The following NUAK1 variants were observed in gnomAD, a reference collection of about 807,000 sequenced individuals.
The protein encoded by NUAK1 is NUAK family kinase 1, also known as NUAK family SNF1-like kinase 1.
NUAK1 carries 26 observed loss-of-function variants against 56.9 expected under a neutral mutation model. The ratio of observed to expected loss-of-function variants is 0.46; its 90% CI spans 0.33 to 0.63. The LOEUF is 0.63. NUAK1 is among the 30% of genes least tolerant of loss of function. NUAK1 has a pLI of 0.02. For missense variants in NUAK1, 727 were observed against 876.1 expected (o/e 0.83, Z 2.15); for synonymous variants, 337 against 336.0 (o/e 1.00, Z -0.03).
chr12:106,098,903 G>A (rs962680310), intron 2 of NUAK1, among the ~76,000 whole-genome samples: 17 of 152,074 alleles, frequency 1.1e-4, no homozygotes, highest in Admixed American at 1.0e-3. Flanking sequence ...GCTCCAGTGG[G>A]CACTTCCTTT....
At chr12:106,113,079 G>A (rs2032880780) in intron 1 of NUAK1, among the ~76,000 whole-genome samples, 2 of 152,294 alleles carry the variant, frequency 1.3e-5, no homozygotes, top group South Asian at 4.1e-4. Context: ...TCAGGGCTGG[G>A]ACATTTTTAT....
chr12:106,096,399 C>T (rs1477632284), intron 2 of NUAK1, among the ~76,000 whole-genome samples: 6 of 152,102 alleles, frequency 3.9e-5, no homozygotes, highest in Admixed American at 6.6e-5. Context: ...TCATTAGAAA[C>T]GTGGCTGGAC....
intron 1 of NUAK1, among the ~76,000 whole-genome samples, chr12:106,129,873 T>C (rs556367081): frequency 6.1e-4 from 93 of 152,280 alleles, no homozygotes; most frequent in African/African-American, 2.1e-3. Context: ...CCAGAGAAAA[T>C]GAGCAGCTTG....
At chr12:106,134,785 A>T (rs180822966) in intron 1 of NUAK1, among the ~76,000 whole-genome samples, 10 of 152,352 alleles carry the variant, frequency 6.6e-5, no homozygotes, top group African/African-American at 1.9e-4. Context: ...TCAAAACCAA[A>T]GTTGTGCAAT....
At chr12:106,102,243 G>A (rs554865839) in intron 2 of NUAK1, among the ~76,000 whole-genome samples, 1 of 152,296 alleles carries the variant, frequency 6.6e-6, no homozygotes, top group African/African-American at 2.4e-5. Context: ...CCTACTTGAG[G>A]TCAGGAATGC....
chr12:106,135,041 A>G (rs1290475259), intron 1 of NUAK1, among the ~76,000 whole-genome samples: 1 of 152,250 alleles, frequency 6.6e-6, no homozygotes, highest in Non-Finnish European at 1.5e-5. Context: ...GAGGAACTAA[A>G]TTGATTAATG....
intron 1 of NUAK1, among the ~76,000 whole-genome samples, chr12:106,126,453 A>G (rs916718948): frequency 3.9e-5 from 6 of 152,228 alleles, no homozygotes; most frequent in Admixed American, 6.5e-5. Context: ...TATTCCTGCC[A>G]TCATCCCCAA....
intron 2 of NUAK1, among the ~76,000 whole-genome samples, chr12:106,097,066 T>C (rs60039618): frequency 0.032 from 4,882 of 152,310 alleles, 274 homozygotes; most frequent in African/African-American, 0.11. Context: ...GAATAATCAA[T>C]TCCATTTCTT....
intron 1 of NUAK1, among the ~76,000 whole-genome samples, chr12:106,115,538 C>T (rs1408202404): frequency 6.6e-6 from 1 of 152,200 alleles, no homozygotes; most frequent in Non-Finnish European, 1.5e-5. Flanking sequence ...TCCTCACAAG[C>T]ATCTTTTTCC....
chr12:106,121,334 G>A (rs541850276), intron 1 of NUAK1, among the ~76,000 whole-genome samples: 63 of 152,280 alleles, frequency 4.1e-4, no homozygotes, highest in African/African-American at 1.5e-3. Flanking sequence ...CACACACAAG[G>A]TGGTTTCTAA....
chr12:106,072,698 C>T, intron 5 of NUAK1, 26 bp downstream of exon 5: 1 of 1,612,706 alleles, frequency 6.2e-7, no homozygotes, highest in Non-Finnish European at 8.5e-7. Context: ...CTCCCCTGCC[C>T]CATACACATT....
At chr12:106,074,929 G>A (rs999297929) in intron 4 of NUAK1, among the ~76,000 whole-genome samples, 5 of 152,124 alleles carry the variant, frequency 3.3e-5, no homozygotes, top group Admixed American at 2.6e-4. Context: ...GAAGCTTTAT[G>A]AAGTGTGCCC....
chr12:106,073,675 G>A (rs750965087), intron 4 of NUAK1, among the ~76,000 whole-genome samples: 9 of 152,144 alleles, frequency 5.9e-5, no homozygotes, highest in East Asian at 5.8e-4. Flanking sequence ...AAAATTAGCC[G>A]GGCGTGGTGG....
At chr12:106,078,766 C>T (rs1253536896) in intron 4 of NUAK1, among the ~76,000 whole-genome samples, 1 of 152,164 alleles carries the variant, frequency 6.6e-6, no homozygotes, top group African/African-American at 2.4e-5. Flanking sequence ...TAAAAGAGGG[C>T]GCGTCCAAGC....
At chr12:106,073,990 T>C (rs988469331) in intron 4 of NUAK1, among the ~76,000 whole-genome samples, 3 of 152,170 alleles carry the variant, frequency 2.0e-5, no homozygotes, top group Non-Finnish European at 2.9e-5. Flanking sequence ...ACAGCACTTT[T>C]ACATATATAT....
intron 2 of NUAK1, among the ~76,000 whole-genome samples, chr12:106,087,913 C>T (rs7967552): frequency 0.34 from 51,325 of 151,992 alleles, 10,129 homozygotes; most frequent in African/African-American, 0.55. Context: ...CCGCAGGTTG[C>T]AGGGCCGCTG....
chr12:106,123,031 T>C (rs2032993428), intron 1 of NUAK1, among the ~76,000 whole-genome samples: 1 of 152,178 alleles, frequency 6.6e-6, no homozygotes, highest in South Asian at 2.1e-4. Context: ...CCTCTAGAAG[T>C]ATTTGTTCCA....
intron 1 of NUAK1, among the ~76,000 whole-genome samples, chr12:106,130,357 A>G (rs2033065106): frequency 6.6e-6 from 1 of 152,214 alleles, no homozygotes; most frequent in Admixed American, 6.5e-5. Context: ...AATAGCCCCA[A>G]CTAAATTCTA....
At chr12:106,086,711 C>A in intron 3 of NUAK1, 23 bp downstream of exon 3, 2 of 1,590,906 alleles carry the variant, frequency 1.3e-6, no homozygotes, top group South Asian at 2.2e-5. Context: ...ACGGCCAAAG[C>A]TGCGGGCCAG....
Sources: allele counts gnomAD v4.1 joint callset (sites outside exome capture counted in the v4.1 genomes callset), GRCh38; gene constraint gnomAD v4.1.1; transcripts MANE v1.5; gene names NCBI Gene and HGNC (gene_info 2026-07-23, HGNC 2026-07-21).